NTM: variants seen among roughly 807,000 people sequenced by gnomAD.
The protein encoded by NTM is neurotrimin.
NTM carries 13 observed loss-of-function variants against 42.1 expected under a neutral mutation model. That is an observed-to-expected ratio of 0.31 (90% CI 0.20 to 0.49). The LOEUF (loss-of-function observed/expected upper bound fraction) is 0.49, where lower values mean the gene tolerates loss of function less well. NTM is among the 20% of genes least tolerant of loss of function. The probability of loss-of-function intolerance (pLI) is 0.99; values close to 1 mark genes in which losing one functional copy is unlikely to be tolerated. For synonymous variants in NTM, 187 were observed against 179.2 expected (o/e 1.04, Z -0.35); for missense variants, 373 against 452.8 (o/e 0.82, Z 1.60).
intron 1 of NTM, among the ~76,000 whole-genome samples, chr11:131,682,484 C>A (rs2073122080): frequency 5.9e-5 from 9 of 152,190 alleles, no homozygotes; most frequent in Admixed American, 5.9e-4. Context: ...CTCCTCGTGG[C>A]ACGCATGCAG....
intron 4 of NTM, among the ~76,000 whole-genome samples, chr11:132,299,748 A>C (rs2094771866): frequency 6.6e-6 from 1 of 152,200 alleles, no homozygotes; most frequent in Non-Finnish European, 1.5e-5. Context: ...GCAGTGTTAC[A>C]ACAGGCAAAC....
At chr11:132,142,305 C>T (rs565577394) in intron 2 of NTM, among the ~76,000 whole-genome samples, 132 of 152,296 alleles carry the variant, frequency 8.7e-4, no homozygotes, top group Non-Finnish European at 1.6e-3. Flanking sequence ...TGAAGCCTTA[C>T]TCACTCTGAC....
At chr11:131,785,384 A>G (rs2088966082) in intron 1 of NTM, among the ~76,000 whole-genome samples, 1 of 152,214 alleles carries the variant, frequency 6.6e-6, no homozygotes. Flanking sequence ...ATAAAAATAG[A>G]TCAGATAGAG....
At chr11:132,172,729 T>G (rs920378573) in intron 3 of NTM, among the ~76,000 whole-genome samples, 2 of 152,098 alleles carry the variant, frequency 1.3e-5, no homozygotes, top group Non-Finnish European at 2.9e-5. Flanking sequence ...GGACCCAGGG[T>G]CTTCAGGCTA....
At chr11:132,310,718 G>A (rs1300305376) in intron 6 of NTM, among the ~76,000 whole-genome samples, 1 of 152,112 alleles carries the variant, frequency 6.6e-6, no homozygotes, top group Non-Finnish European at 1.5e-5. Context: ...ACCCAATTTA[G>A]CCCTCCCTTT....
At chr11:132,135,327 C>G (rs1050559035) in intron 2 of NTM, among the ~76,000 whole-genome samples, 1 of 152,222 alleles carries the variant, frequency 6.6e-6, no homozygotes, top group Admixed American at 6.5e-5. Context: ...TTCCTTGCAG[C>G]CTCCCAAATA....
chr11:131,643,292 T>C (rs1214912908), intron 1 of NTM, among the ~76,000 whole-genome samples: 3 of 152,234 alleles, frequency 2.0e-5, no homozygotes, highest in African/African-American at 7.2e-5. Flanking sequence ...TATGACACTT[T>C]CCATGTGCCT....
chr11:131,459,955 C>A (rs138061840), intron 1 of NTM, among the ~76,000 whole-genome samples: 1 of 151,978 alleles, frequency 6.6e-6, no homozygotes, highest in African/African-American at 2.4e-5. Flanking sequence ...AAAAATAAAA[C>A]AATTGTCTCA....
intron 1 of NTM, among the ~76,000 whole-genome samples, chr11:131,784,079 A>G (rs2088682573): frequency 6.6e-6 from 1 of 152,198 alleles, no homozygotes; most frequent in Admixed American, 6.5e-5. Context: ...AACTGAAACC[A>G]CAATGAACGC....
intron 4 of NTM, among the ~76,000 whole-genome samples, chr11:132,269,882 T>G (rs943059965): frequency 6.6e-6 from 1 of 152,252 alleles, no homozygotes; most frequent in Non-Finnish European, 1.5e-5. Flanking sequence ...TCAACTTTAC[T>G]GGGCTATAAT....
chr11:131,490,788 G>A (rs991504650), intron 1 of NTM, among the ~76,000 whole-genome samples: 6 of 152,184 alleles, frequency 3.9e-5, no homozygotes, highest in African/African-American at 1.4e-4. Context: ...TCATATTGCA[G>A]GTGGCATTGC....
chr11:132,104,567 C>T (rs1016994586), intron 2 of NTM, among the ~76,000 whole-genome samples: 2 of 121,474 alleles, frequency 1.6e-5, no homozygotes, highest in Admixed American at 1.6e-4. Context: ...GCCTGGGAAA[C>T]ATAGTGGGAC....
chr11:132,177,827 C>A (rs560134430), intron 3 of NTM, among the ~76,000 whole-genome samples: 1 of 152,356 alleles, frequency 6.6e-6, no homozygotes, highest in East Asian at 1.9e-4. Flanking sequence ...ATGCACTCAT[C>A]CTGACTGGGT....
At chr11:132,070,774 C>G (rs1400882622) in intron 2 of NTM, among the ~76,000 whole-genome samples, 2 of 142,976 alleles carry the variant, frequency 1.4e-5, no homozygotes, top group Non-Finnish European at 1.5e-5. Context: ...TAACACGTCA[C>G]TCACCCAGGT....
intron 3 of NTM, among the ~76,000 whole-genome samples, chr11:132,170,411 T>C (rs780914202): frequency 6.6e-6 from 1 of 152,196 alleles, no homozygotes; most frequent in African/African-American, 2.4e-5. Context: ...TTCATCTAGG[T>C]CTTACTTCCT....
At chr11:132,188,421 T>G (rs952217098) in intron 3 of NTM, among the ~76,000 whole-genome samples, 1 of 152,150 alleles carries the variant, frequency 6.6e-6, no homozygotes, top group African/African-American at 2.4e-5. Context: ...CTTTCAGAAA[T>G]GAAGAGGTTC....
At chr11:132,305,353 T>TATCA (rs1203931761) in intron 4 of NTM, among the ~76,000 whole-genome samples, 2 of 152,236 alleles carry the variant, frequency 1.3e-5, no homozygotes, top group Admixed American at 6.5e-5. Flanking sequence ...CCTGAGGTCC[T>TATCA]ATCAGTCCCT....
intron 1 of NTM, among the ~76,000 whole-genome samples, chr11:131,760,527 T>G (rs949762471): frequency 6.6e-6 from 1 of 152,184 alleles, no homozygotes; most frequent in Admixed American, 6.5e-5. Flanking sequence ...ATGGAGTCCT[T>G]AAAACATCTG....
At chr11:132,055,683 CAGAGAGAG>C (rs112247843) in intron 2 of NTM, among the ~76,000 whole-genome samples, 19 of 150,704 alleles carry the variant, frequency 1.3e-4, no homozygotes, top group South Asian at 2.1e-4. Context: ...GAGAGAGAGA[CAGAGAGAG>C]AGAGAGAGAA....
Sources: gnomAD v4.1 joint callset for allele counts (sites outside exome capture counted in the v4.1 genomes callset) on GRCh38, gnomAD v4.1.1 for gene constraint, MANE v1.5 for transcripts, NCBI Gene and HGNC (gene_info 2026-07-23, HGNC 2026-07-21) for gene names.